COL14A1: variants seen among roughly 807,000 people sequenced by gnomAD.
COL14A1 encodes collagen alpha-1(XIV) chain.
In COL14A1, 136 loss-of-function variants were observed where a neutral mutation model predicts 230.3. The observed-to-expected ratio is 0.59, with a 90% confidence interval of 0.51 to 0.68. COL14A1 has a LOEUF of 0.68. Ranked by LOEUF, COL14A1 falls within the 30% of genes least tolerant of loss-of-function variation. COL14A1 has a pLI of 0.00. For missense variants in COL14A1, 1,976 were observed against 2,215.8 expected (o/e 0.89, Z 2.17); for synonymous variants, 792 against 784.1 (o/e 1.01, Z -0.17).
rs2219241 is a variant in COL14A1, at chr8:120,297,623, A to T, written c.4314+35A>T. 756,272 of 1,242,980 alleles carry T rather than the reference A, an allele frequency of 0.61. 233,524 individuals carry two copies. Among genetic ancestry groups the T allele is most frequent in the African/African-American group, 0.9 (57,772 of 64,352 alleles). 77.0% of individuals were successfully genotyped at this position (1,242,980 alleles called of 1,614,324 possible). ...CTTCCTTCATTTCTATTGATTTTTT[A>T]AATTGTATTTAATTTTCTGGAAATG... is the stretch of plus-strand genomic sequence containing the variant. On this transcript the variant is annotated intron_variant, in intron 35 of 47. Coordinates refer to ENST00000297848, the MANE Select transcript of COL14A1 (RefSeq NM_021110.4).
chr8:120,350,615 C>T (rs1421219498), intron 45 of COL14A1, among the ~76,000 whole-genome samples: 2 of 150,258 alleles, frequency 1.3e-5, no homozygotes, highest in African/African-American at 2.5e-5. Flanking sequence ...GACTTTAAAC[C>T]ATCAAAGATC....
intron 22 of COL14A1, among the ~76,000 whole-genome samples, chr8:120,251,522 T>C (rs1818949860): frequency 6.6e-6 from 1 of 152,170 alleles, no homozygotes; most frequent in South Asian, 2.1e-4. Flanking sequence ...GCACACCATC[T>C]GGGACTCCTT....
At chr8:120,242,303 C>A (rs1818628553) in intron 19 of COL14A1, among the ~76,000 whole-genome samples, 1 of 152,176 alleles carries the variant, frequency 6.6e-6, no homozygotes, top group Non-Finnish European at 1.5e-5. Flanking sequence ...GTAAGGGAAG[C>A]CTCTTACTAT....
intron 40 of COL14A1, among the ~76,000 whole-genome samples, chr8:120,329,081 G>A (rs1282583100): frequency 6.6e-6 from 1 of 151,704 alleles, no homozygotes; most frequent in Non-Finnish European, 1.5e-5. Context: ...ATGTGCCCAG[G>A]GTCCATTTTT....
At position 120,336,393 on chromosome 8, in the gene COL14A1, AAC is replaced by A. The variant is rs1586876163; in HGVS notation, c.4785+3662_4785+3663del. On this transcript the variant is annotated intron_variant, in intron 42 of 47. Coordinates refer to ENST00000297848, the MANE Select transcript of COL14A1 (RefSeq NM_021110.4). Reference sequence around the variant, plus strand: ...GGCAGTTGCAGAAAAACATAAGGCAAACACAGAGCACCCCTGTCTCTGTACAT... The same window carrying A: ...GGCAGTTGCAGAAAAACATAAGGCAAACAGAGCACCCCTGTCTCTGTACAT... 3.9e-5 allele frequency among the ~76,000 whole-genome samples: 6 copies of A among 152,284 alleles called. No individual in the cohort carries two copies. The East Asian group carries it at 1.2e-3, about 29-fold the overall frequency.
intron 42 of COL14A1, among the ~76,000 whole-genome samples, chr8:120,336,389 G>A (rs1822072570): frequency 6.6e-6 from 1 of 152,100 alleles, no homozygotes; most frequent in South Asian, 2.1e-4. Flanking sequence ...AAAAACATAA[G>A]GCAAACACAG....
In COL14A1 at chr8:120,149,688, T is replaced by A. The variant is rs141920102; in HGVS notation, c.88+1758T>A. ...TTGTTAGCCAAATTCTGTTTTTTCA[T>A]TTTTTTTTTTTTTTTTGAGACGGAG... On this transcript the variant is annotated intron_variant, in intron 2 of 47. Coordinates refer to ENST00000297848, the MANE Select transcript of COL14A1 (RefSeq NM_021110.4). Among the ~76,000 whole-genome samples the A allele has an allele frequency of 2.7e-4, 3 of 11,138 alleles. No individual in the cohort carries two copies. In the South Asian group the frequency reaches 5.6e-3, roughly 21 times the overall value. The allele number at this position is 11,138 out of a possible 152,430, so 7.3% of individuals were successfully genotyped here. A position where few individuals can be genotyped will look rare whatever the true frequency, so the allele number is the denominator to read the frequency against.
At chr8:120,327,983 C>T (rs563667255) in intron 40 of COL14A1, among the ~76,000 whole-genome samples, 6 of 152,088 alleles carry the variant, frequency 3.9e-5, no homozygotes, top group African/African-American at 1.4e-4. Flanking sequence ...AGGCTGGTCT[C>T]GAACTCCTGA....
chr8:120,255,689 A>T (rs1319064939), intron 23 of COL14A1, among the ~76,000 whole-genome samples: 2 of 152,202 alleles, frequency 1.3e-5, no homozygotes, highest in African/African-American at 4.8e-5. Flanking sequence ...TAGCAGCCAG[A>T]TAGCCAAGAC....
At chr8:120,197,470 G>A (rs1817078041) in intron 6 of COL14A1, among the ~76,000 whole-genome samples, 1 of 151,554 alleles carries the variant, frequency 6.6e-6, no homozygotes. Flanking sequence ...CTTTTAAATA[G>A]CCATTAAGAA....
At position 120,198,056 on chromosome 8, in the gene COL14A1, T is replaced by C. The variant is rs1817102836; in HGVS notation, c.712+126T>C. ...TAAACTAGCACTTAGGATTCTTTGATGGCTGTTTTCCCAAACTCAGCATTG... is the reference window on the plus strand; with the variant it reads ...TAAACTAGCACTTAGGATTCTTTGACGGCTGTTTTCCCAAACTCAGCATTG... On this transcript the variant is annotated intron_variant, in intron 7 of 47. Coordinates refer to ENST00000297848, the MANE Select transcript of COL14A1 (RefSeq NM_021110.4). 3 of 940,310 alleles carry C rather than the reference T, an allele frequency of 3.2e-6. No individual in the cohort carries two copies. The South Asian group carries it at 5.0e-5, about 16-fold the overall frequency. The allele number at this position is 940,310 out of a possible 1,614,324, so 58.2% of individuals were successfully genotyped here.
intron 29 of COL14A1, 104 bp downstream of exon 29, chr8:120,280,203 C>A: frequency 7.7e-7 from 1 of 1,292,176 alleles, no homozygotes; most frequent in Non-Finnish European, 1.1e-6. Context: ...AGAATATTGA[C>A]TTCCAGTACT....
At chr8:120,145,596 G>T (rs1815066913) in intron 1 of COL14A1, among the ~76,000 whole-genome samples, 1 of 152,172 alleles carries the variant, frequency 6.6e-6, no homozygotes. Flanking sequence ...CAGCCCTGGG[G>T]ACAAGAGTGA....
chr8:120,244,042 G>A (rs779264952), intron 20 of COL14A1, 34 bp downstream of exon 20: 57 of 1,600,128 alleles, frequency 3.6e-5, no homozygotes, highest in East Asian at 4.5e-5. Flanking sequence ...AATACAAGCC[G>A]ACTCATTAAA....
At chr8:120,366,383 T>C (rs756994431) in intron 45 of COL14A1, among the ~76,000 whole-genome samples, 13 of 152,312 alleles carry the variant, frequency 8.5e-5, no homozygotes, top group African/African-American at 1.9e-4. Flanking sequence ...TTCAAAGCAT[T>C]GTTGTACACA....
intron 47 of COL14A1, chr8:120,370,836 A>AT (rs201300653): frequency 1.0e-5 from 14 of 1,352,446 alleles, no homozygotes; most frequent in East Asian, 4.1e-5. Context: ...CTAACATGAG[A>AT]TTTTTTAAAA....
chr8:120,325,310 A>C (rs139499781), intron 40 of COL14A1, among the ~76,000 whole-genome samples: 70 of 152,346 alleles, frequency 4.6e-4, no homozygotes, highest in African/African-American at 1.6e-3. Flanking sequence ...TTAAAAAGGA[A>C]AAATGCCTAG....
intron 13 of COL14A1, among the ~76,000 whole-genome samples, chr8:120,215,368 C>CAGAA (rs983863296): frequency 1.4e-5 from 2 of 142,878 alleles, no homozygotes; most frequent in East Asian, 4.1e-4. Context: ...GAGACTCTGT[C>CAGAA]AGAAAGAAAG....
chr8:120,310,826 A>G (rs1821011323), intron 37 of COL14A1, among the ~76,000 whole-genome samples: 1 of 152,198 alleles, frequency 6.6e-6, no homozygotes, highest in South Asian at 2.1e-4. Context: ...CTGCAGTCAC[A>G]TGCTGTTGCC....
Sources: gnomAD v4.1 joint callset for allele counts (sites outside exome capture counted in the v4.1 genomes callset) on GRCh38, gnomAD v4.1.1 for gene constraint, MANE v1.5 for transcripts, NCBI Gene and HGNC (gene_info 2026-07-23, HGNC 2026-07-21) for gene names.